Variants in SPATA45 observed in about 807,000 individuals in gnomAD.
SPATA45 encodes the protein spermatogenesis-associated protein 45.
Under a neutral mutation model 7.0 loss-of-function variants are expected in SPATA45, and 5 were observed. The ratio of observed to expected loss-of-function variants is 0.71; its 90% CI spans 0.37 to 1.50. The LOEUF is 1.50. Ranked by LOEUF, SPATA45 falls within the 40% of genes most tolerant of loss-of-function variation. SPATA45 has a pLI of 0.03. For synonymous variants in SPATA45, 40 were observed against 38.7 expected (o/e 1.03, Z -0.13); for missense variants, 111 against 114.9 (o/e 0.97, Z 0.16).
At chr1:212,840,183 G>A in intron 1 of SPATA45, among the ~76,000 whole-genome samples, 1 of 151,472 alleles carries the variant, frequency 6.6e-6, no homozygotes, top group East Asian at 1.9e-4. Context: ...GGAGGCCAAG[G>A]CAGGCAGATC....
chr1:212,843,544 A>G (rs1663731285), intron 1 of SPATA45, among the ~76,000 whole-genome samples: 1 of 152,176 alleles, frequency 6.6e-6, no homozygotes, highest in South Asian at 2.1e-4. Context: ...TTGGCTACAT[A>G]ATTTGTAGGG....
At chr1:212,842,164 C>T (rs976234841) in intron 1 of SPATA45, among the ~76,000 whole-genome samples, 7 of 150,588 alleles carry the variant, frequency 4.6e-5, no homozygotes, top group South Asian at 2.1e-4. Context: ...GATCACCTGA[C>T]GTCAGGGGTT....
intron 2 of SPATA45, among the ~76,000 whole-genome samples, chr1:212,835,150 C>T (rs1571990081): frequency 6.6e-6 from 1 of 151,800 alleles, no homozygotes; most frequent in East Asian, 1.9e-4. Flanking sequence ...CAGGGCAATA[C>T]TCAGGGGACC....
At chr1:212,840,681 G>C (rs1271697432) in intron 1 of SPATA45, among the ~76,000 whole-genome samples, 1 of 152,006 alleles carries the variant, frequency 6.6e-6, no homozygotes, top group Non-Finnish European at 1.5e-5. Context: ...GCAGGGGCGC[G>C]ATCTTGGCTC....
intron 2 of SPATA45, among the ~76,000 whole-genome samples, chr1:212,833,746 A>G (rs911686209): frequency 6.6e-6 from 1 of 151,590 alleles, no homozygotes; most frequent in Non-Finnish European, 1.5e-5. Flanking sequence ...AGATCACTGA[A>G]ACTTTCTCCC....
chr1:212,844,796 T>C (rs113186460), intron 1 of SPATA45, among the ~76,000 whole-genome samples: 1 of 152,190 alleles, frequency 6.6e-6, no homozygotes. Flanking sequence ...AAGTATCCTC[T>C]ATCATTAATA....
rs372469118 is a variant in SPATA45, at chr1:212,835,975, T to C, written c.175A>G (p.Thr59Ala). The C allele has an allele frequency of 3.7e-6, 6 of 1,610,806 alleles. No homozygotes were observed. Among genetic ancestry groups the C allele is most frequent in the South Asian group, 3.3e-5 (3 of 90,772 alleles). ...RHFPDAYQSF[T>A]DTTTKEPVPN... ...ACAGGCTCTTTGGTTGTGGTATCAGTAAAGGACTGATAGGCATCCGGGAAG... is the reference window on the plus strand; with the variant it reads ...ACAGGCTCTTTGGTTGTGGTATCAGCAAAGGACTGATAGGCATCCGGGAAG... Residue 59 changes from threonine (T) to alanine (A), a missense_variant, in exon 2 of 3, where the codon ACT becomes GCT. Coordinates refer to ENST00000332912, the MANE Select transcript of SPATA45 (RefSeq NM_001024601.3).
intron 1 of SPATA45, among the ~76,000 whole-genome samples, chr1:212,842,327 G>A (rs913013726): frequency 7.3e-5 from 11 of 151,666 alleles, no homozygotes; most frequent in East Asian, 5.9e-4. Context: ...GCAGTCAGCC[G>A]AGATCACACC....
chr1:212,833,205 A>T (rs1663521180), intron 2 of SPATA45, among the ~76,000 whole-genome samples: 1 of 151,552 alleles, frequency 6.6e-6, no homozygotes, highest in Admixed American at 6.6e-5. Flanking sequence ...CCGAGCATAT[A>T]GTCTTTTATT....
chr1:212,833,020 C>T lies in SPATA45; in HGVS notation c.278-2759G>A, dbSNP rs1006597555. Among the ~76,000 whole-genome samples, 5 of 151,566 alleles carry T rather than the reference C, an allele frequency of 3.3e-5. 1 individual carries two copies. Among genetic ancestry groups the T allele is most frequent in the African/African-American group, 4.8e-5 (2 of 41,346 alleles). ...AGCCTTCATTAGGGAGTGATAAACA[C>T]TGTGGTAAAAAAGAAAGCTGGGTAA... On this transcript the variant is annotated intron_variant, in intron 2 of 2. Transcript: ENST00000332912.
At chr1:212,831,541 A>C (rs1336140007) in intron 2 of SPATA45, among the ~76,000 whole-genome samples, 2 of 151,112 alleles carry the variant, frequency 1.3e-5, no homozygotes, top group African/African-American at 2.4e-5. Flanking sequence ...GCAAAACTTG[A>C]ACCCAGGTGT....
intron 2 of SPATA45, among the ~76,000 whole-genome samples, chr1:212,832,899 C>T (rs1026953319): frequency 1.3e-5 from 2 of 151,466 alleles, no homozygotes; most frequent in African/African-American, 2.4e-5. Context: ...AGCCAGGAAA[C>T]GTTTCCTGAG....
At chr1:212,841,289 G>A (rs533868940) in intron 1 of SPATA45, among the ~76,000 whole-genome samples, 2 of 152,090 alleles carry the variant, frequency 1.3e-5, no homozygotes, top group South Asian at 4.1e-4. Flanking sequence ...CTCCTGAGTG[G>A]CTGGGACCAC....
intron 1 of SPATA45, among the ~76,000 whole-genome samples, chr1:212,841,578 C>T (rs889267646): frequency 6.6e-6 from 1 of 150,428 alleles, no homozygotes; most frequent in Non-Finnish European, 1.5e-5. Context: ...TTTAGGAAAG[C>T]TACCAGAGCC....
rs149043953 is a variant in SPATA45 at position 212,846,689 on chromosome 1, C to T, written c.-39+891G>A. On this transcript the variant is annotated intron_variant, in intron 1 of 2. Coordinates refer to ENST00000332912, the MANE Select transcript of SPATA45 (RefSeq NM_001024601.3). Reference sequence around the variant, plus strand: ...AACCTATATGAACTAATGATAATCCCACCACCCTTTGCTAACTCCTTTTTT... The same window carrying T: ...AACCTATATGAACTAATGATAATCCTACCACCCTTTGCTAACTCCTTTTTT... Among the ~76,000 whole-genome samples, 27 of 152,256 alleles carry T rather than the reference C, an allele frequency of 1.8e-4. No individual in the cohort carries two copies. The East Asian group carries it at 5.2e-3, about 29-fold the overall frequency.
At chr1:212,840,448 T>C (rs191615330) in intron 1 of SPATA45, among the ~76,000 whole-genome samples, 187 of 152,202 alleles carry the variant, frequency 1.2e-3, no homozygotes, top group Middle Eastern at 3.4e-3. Flanking sequence ...TTTTAAATTA[T>C]TTTGTTTTCA....
chr1:212,831,080 CA>C (rs1327087630), intron 2 of SPATA45, among the ~76,000 whole-genome samples: 1 of 150,422 alleles, frequency 6.6e-6, no homozygotes, highest in Non-Finnish European at 1.5e-5. Context: ...GCAGAGGTTG[CA>C]GTGAGCCAAG....
chr1:212,839,465 G>T (rs1663641156), intron 1 of SPATA45, among the ~76,000 whole-genome samples: 1 of 150,906 alleles, frequency 6.6e-6, no homozygotes, highest in South Asian at 2.1e-4. Context: ...GAAAATTCAA[G>T]AATTTAACTA....
chr1:212,845,957 G>A (rs1279156543), intron 1 of SPATA45, among the ~76,000 whole-genome samples: 5 of 152,092 alleles, frequency 3.3e-5, no homozygotes, highest in African/African-American at 1.2e-4. Context: ...CAAGGATAGA[G>A]CCCAAAAACT....
Sources: allele counts gnomAD v4.1 joint callset (sites outside exome capture counted in the v4.1 genomes callset), GRCh38; gene constraint gnomAD v4.1.1; transcripts MANE v1.5; gene names NCBI Gene and HGNC (gene_info 2026-07-23, HGNC 2026-07-21).